The following MAN1A2 variants were observed in gnomAD, a reference collection of about 807,000 sequenced individuals.
The protein encoded by MAN1A2 is mannosyl-oligosaccharide 1,2-alpha-mannosidase IB.
MAN1A2 carries 26 observed loss-of-function variants against 75.7 expected under a neutral mutation model. The ratio of observed to expected loss-of-function variants is 0.34; its 90% confidence interval spans 0.25 to 0.48. The LOEUF (loss-of-function observed/expected upper bound fraction) is 0.48. Among genes scored for constraint, MAN1A2 ranks in the 20% least tolerant of loss-of-function variants. The probability of loss-of-function intolerance (pLI) is 0.99; values close to 1 mark genes in which losing one functional copy is unlikely to be tolerated. For missense variants in MAN1A2, 562 were observed against 775.5 expected, an observed-to-expected ratio of 0.72 and a Z score of 3.27; for synonymous variants, 247 against 264.6, an observed-to-expected ratio of 0.93 and a Z score of 0.65.
In MAN1A2 at chr1:117,385,939, G is replaced by A. The variant is rs183739601; in HGVS notation, c.303-16247G>A. Reference sequence around the variant, plus strand: ...GCGTTGCTACCTCTGGATACTGGATGTGTCTGCTTCCAGAGTGATTTCTTA... The same window carrying A: ...GCGTTGCTACCTCTGGATACTGGATATGTCTGCTTCCAGAGTGATTTCTTA... On this transcript the variant is annotated intron_variant, in intron 1 of 12. Coordinates refer to ENST00000356554, the MANE Select transcript of MAN1A2 (RefSeq NM_006699.5). 7.7e-4 allele frequency among the ~76,000 whole-genome samples: 118 copies of A among 152,316 alleles called. 1 individual carries two copies. The highest frequency in any genetic ancestry group is 1.4e-3 in the Non-Finnish European group (98 of 68,022).
At chr1:117,398,559 A>C (rs951946725) in intron 1 of MAN1A2, among the ~76,000 whole-genome samples, 26 of 152,126 alleles carry the variant, frequency 1.7e-4, no homozygotes, top group African/African-American at 6.0e-4. Flanking sequence ...CTGTAGTCCC[A>C]GCTTGTTGGG....
intron 8 of MAN1A2, among the ~76,000 whole-genome samples, chr1:117,480,573 T>C (rs1419844771): frequency 6.6e-6 from 1 of 151,906 alleles, no homozygotes; most frequent in Non-Finnish European, 1.5e-5. Context: ...TATTATGTTA[T>C]TTTTCCTCCT....
chr1:117,421,970 T>C (rs1441475500), intron 5 of MAN1A2, among the ~76,000 whole-genome samples: 2 of 152,128 alleles, frequency 1.3e-5, no homozygotes, highest in African/African-American at 4.8e-5. Flanking sequence ...TTAAAGGTGA[T>C]TTTGGAAACA....
At chr1:117,508,464 G>T (rs1290548) in intron 12 of MAN1A2, among the ~76,000 whole-genome samples, 1 of 151,188 alleles carries the variant, frequency 6.6e-6, no homozygotes, top group African/African-American at 2.4e-5. Context: ...TTTTTCCTCC[G>T]TATCTCTTGA....
chr1:117,491,021 A>G (rs1650865865), intron 8 of MAN1A2, among the ~76,000 whole-genome samples: 1 of 152,096 alleles, frequency 6.6e-6, no homozygotes, highest in Admixed American at 6.6e-5. Context: ...TGAGGTTTAA[A>G]GAAGGAAGCT....
chr1:117,380,259 C>G (rs555078609), intron 1 of MAN1A2, among the ~76,000 whole-genome samples: 3 of 152,158 alleles, frequency 2.0e-5, no homozygotes, highest in Non-Finnish European at 4.4e-5. Context: ...AACACATTTT[C>G]AGGTGCTTGC....
intron 8 of MAN1A2, among the ~76,000 whole-genome samples, chr1:117,483,000 C>T (rs1451322797): frequency 6.6e-6 from 1 of 152,058 alleles, no homozygotes; most frequent in African/African-American, 2.4e-5. Context: ...ATAGGGAATC[C>T]TTTCTCCATT....
chr1:117,442,988 G>A (rs1649092661), intron 6 of MAN1A2, among the ~76,000 whole-genome samples: 1 of 152,098 alleles, frequency 6.6e-6, no homozygotes, highest in Admixed American at 6.6e-5. Flanking sequence ...TTTGAATAAT[G>A]TCAACATATT....
chr1:117,450,277 T>A (rs1037899976), intron 6 of MAN1A2, among the ~76,000 whole-genome samples: 5 of 152,176 alleles, frequency 3.3e-5, no homozygotes, highest in East Asian at 3.8e-4. Flanking sequence ...GCCCTAGAGA[T>A]GTGTGGAGCC....
chr1:117,431,067 C>T (rs893241454), intron 5 of MAN1A2, among the ~76,000 whole-genome samples: 11 of 139,942 alleles, frequency 7.9e-5, no homozygotes, highest in Non-Finnish European at 1.1e-4. Flanking sequence ...GGCGTGGCAG[C>T]GCGTGCCTGC....
At chr1:117,392,515 CTTTG>C (rs983220529) in intron 1 of MAN1A2, among the ~76,000 whole-genome samples, 2 of 152,012 alleles carry the variant, frequency 1.3e-5, no homozygotes, top group African/African-American at 2.4e-5. Flanking sequence ...TTTGTGCTTA[CTTTG>C]TTTATGTATT....
chr1:117,484,187 TAAAGTAAGCCAGAGAAAATA>T (rs1650592217), intron 8 of MAN1A2, among the ~76,000 whole-genome samples: 1 of 151,890 alleles, frequency 6.6e-6, no homozygotes, highest in African/African-American at 2.4e-5. Context: ...ACTGTATTCT[TAAAGTAAGCCAGAGAAAATA>T]AAATGTCATG....
intron 12 of MAN1A2, among the ~76,000 whole-genome samples, chr1:117,518,973 T>A (rs566080047): frequency 6.6e-6 from 1 of 152,112 alleles, no homozygotes; most frequent in East Asian, 1.9e-4. Context: ...AATATTGAAA[T>A]TCTGTCAAGC....
At chr1:117,500,948 A>C (rs1174535766) in intron 11 of MAN1A2, among the ~76,000 whole-genome samples, 1 of 151,840 alleles carries the variant, frequency 6.6e-6, no homozygotes, top group Non-Finnish European at 1.5e-5. Flanking sequence ...GTTTCACTTG[A>C]ATGTCCCCTG....
At chr1:117,493,467 T>A (rs991325552) in intron 9 of MAN1A2, 8 of 396,172 alleles carry the variant, frequency 2.0e-5, no homozygotes, top group Middle Eastern at 1.4e-3. Flanking sequence ...GTGACATTTT[T>A]AAAGAAATTT....
chr1:117,445,250 A>G (rs1649174392), intron 6 of MAN1A2, among the ~76,000 whole-genome samples: 2 of 152,074 alleles, frequency 1.3e-5, no homozygotes, highest in African/African-American at 4.8e-5. Context: ...ATTTTGCTGT[A>G]TTTTATTTCC....
chr1:117,453,414 G>A (rs1218374062), intron 6 of MAN1A2, among the ~76,000 whole-genome samples: 1 of 152,176 alleles, frequency 6.6e-6, no homozygotes, highest in Non-Finnish European at 1.5e-5. Flanking sequence ...GGAGGTCAAA[G>A]TATCAAACAG....
chr1:117,518,157 G>A (rs560864383), intron 12 of MAN1A2, among the ~76,000 whole-genome samples: 16 of 151,966 alleles, frequency 1.1e-4, no homozygotes, highest in Admixed American at 1.3e-4. Context: ...AAAGAAGCTC[G>A]TCTGATTACC....
intron 8 of MAN1A2, among the ~76,000 whole-genome samples, chr1:117,469,326 C>T (rs1243984742): frequency 6.6e-6 from 1 of 152,092 alleles, no homozygotes; most frequent in African/African-American, 2.4e-5. Flanking sequence ...ATCAAAGACT[C>T]TAAATTTGAG....
Sources: gnomAD v4.1 joint callset for allele counts (sites outside exome capture counted in the v4.1 genomes callset) on GRCh38, gnomAD v4.1.1 for gene constraint, MANE v1.5 for transcripts, NCBI Gene and HGNC (gene_info 2026-07-23, HGNC 2026-07-21) for gene names.